HS6ST3: variants seen among roughly 807,000 people sequenced by gnomAD.
HS6ST3 encodes heparan-sulfate 6-O-sulfotransferase 3.
HS6ST3 carries 12 observed loss-of-function variants against 36.7 expected under a neutral mutation model. The observed-to-expected ratio is 0.33, with a 90% CI of 0.21 to 0.53. The LOEUF (loss-of-function observed/expected upper bound fraction) is 0.53, where lower values mean the gene tolerates loss of function less well. Among genes scored for constraint, HS6ST3 ranks in the 20% least tolerant of loss-of-function variants. The pLI, the probability that HS6ST3 is intolerant of heterozygous loss-of-function variation, is 0.95. For synonymous variants in HS6ST3, 240 were observed against 257.5 expected, an observed-to-expected ratio of 0.93 and a Z score of 0.65; for missense variants, 584 against 640.9, an observed-to-expected ratio of 0.91 and a Z score of 0.96.
chr13:96,324,871 C>G (rs530998248), intron 1 of HS6ST3, among the ~76,000 whole-genome samples: 21 of 152,324 alleles, frequency 1.4e-4, no homozygotes, highest in Admixed American at 9.2e-4. Flanking sequence ...GACTTCTGGT[C>G]TCCAGAACTG....
chr13:96,418,670 T>C (rs925470486), intron 1 of HS6ST3, among the ~76,000 whole-genome samples: 2 of 152,218 alleles, frequency 1.3e-5, no homozygotes, highest in Non-Finnish European at 2.9e-5. Context: ...ACTGGCCATG[T>C]CCCAGGTGCT....
At chr13:96,115,370 A>G (rs1362903269) in intron 1 of HS6ST3, among the ~76,000 whole-genome samples, 2 of 152,032 alleles carry the variant, frequency 1.3e-5, no homozygotes, top group East Asian at 1.9e-4. Context: ...TGCTGCACCT[A>G]TTGACCCATT....
chr13:96,523,968 G>T (rs2056103899), intron 1 of HS6ST3, among the ~76,000 whole-genome samples: 1 of 152,188 alleles, frequency 6.6e-6, no homozygotes. Context: ...CAGCCTTTCT[G>T]CTCTGGTTTC....
chr13:96,534,109 A>G (rs1194265734), intron 1 of HS6ST3, among the ~76,000 whole-genome samples: 1 of 152,126 alleles, frequency 6.6e-6, no homozygotes, highest in East Asian at 1.9e-4. Flanking sequence ...AAGACCACAG[A>G]CACAGTTTTG....
intron 1 of HS6ST3, among the ~76,000 whole-genome samples, chr13:96,620,710 A>G (rs1352758675): frequency 1.3e-5 from 2 of 152,248 alleles, no homozygotes; most frequent in African/African-American, 4.8e-5. Flanking sequence ...GCAATCAGAG[A>G]AGATATTGAA....
chr13:96,572,447 C>T (rs1191501306), intron 1 of HS6ST3, among the ~76,000 whole-genome samples: 1 of 152,044 alleles, frequency 6.6e-6, no homozygotes, highest in African/African-American at 2.4e-5. Context: ...CTTTCCAATG[C>T]CATTTGCATA....
intron 1 of HS6ST3, among the ~76,000 whole-genome samples, chr13:96,202,616 C>A (rs149045651): frequency 6.6e-6 from 1 of 152,144 alleles, no homozygotes; most frequent in East Asian, 1.9e-4. Flanking sequence ...CAGAGTTGCC[C>A]GAGAAGGCAG....
At chr13:96,703,594 C>G (rs1875344172) in intron 1 of HS6ST3, among the ~76,000 whole-genome samples, 1 of 152,184 alleles carries the variant, frequency 6.6e-6, no homozygotes. Flanking sequence ...CTACTTACTA[C>G]AATTGCTCCA....
intron 1 of HS6ST3, among the ~76,000 whole-genome samples, chr13:96,750,934 A>G (rs1030869961): frequency 3.3e-5 from 5 of 152,212 alleles, no homozygotes; most frequent in East Asian, 1.9e-4. Flanking sequence ...TTCATACACT[A>G]TAGAGAATAT....
chr13:96,247,649 A>G (rs1292210971), intron 1 of HS6ST3, among the ~76,000 whole-genome samples: 2 of 152,074 alleles, frequency 1.3e-5, no homozygotes, highest in Admixed American at 6.6e-5. Flanking sequence ...GTAGGGTGAA[A>G]ATGAACCAAT....
chr13:96,699,028 G>T (rs1386777227), intron 1 of HS6ST3, among the ~76,000 whole-genome samples: 2 of 152,138 alleles, frequency 1.3e-5, no homozygotes, highest in African/African-American at 4.8e-5. Flanking sequence ...AAATGCTGCT[G>T]GGAAAACTGG....
At chr13:96,416,037 TAAAG>T (rs1285788398) in intron 1 of HS6ST3, among the ~76,000 whole-genome samples, 2 of 152,198 alleles carry the variant, frequency 1.3e-5, no homozygotes, top group Non-Finnish European at 2.9e-5. Context: ...CAAAAACAGA[TAAAG>T]AAAAGCCACA....
At chr13:96,238,352 T>C (rs1366805779) in intron 1 of HS6ST3, among the ~76,000 whole-genome samples, 2 of 152,194 alleles carry the variant, frequency 1.3e-5, no homozygotes, top group African/African-American at 4.8e-5. Flanking sequence ...GTCTTGCCAC[T>C]TTTCATCCAT....
Position 96,403,393 on chromosome 13 carries a change from G to A in HS6ST3, c.707+311824G>A, listed in dbSNP as rs373861262. Among the ~76,000 whole-genome samples, 8 of 152,170 alleles carry A rather than the reference G, an allele frequency of 5.3e-5. No individual in the cohort carries two copies. In the South Asian group the frequency reaches 1.4e-3, roughly 28 times the overall value. ...CTCAAATAGACTCAGTAAAGTGCCAGTACCTTGGTTTCAGAGTTTTACACC... is the reference window on the plus strand; with the variant it reads ...CTCAAATAGACTCAGTAAAGTGCCAATACCTTGGTTTCAGAGTTTTACACC... On this transcript the variant is annotated intron_variant, in intron 1 of 1. Coordinates refer to ENST00000376705, the MANE Select transcript of HS6ST3 (RefSeq NM_153456.4).
intron 1 of HS6ST3, among the ~76,000 whole-genome samples, chr13:96,433,303 C>T (rs1249037985): frequency 6.6e-6 from 1 of 152,006 alleles, no homozygotes; most frequent in Non-Finnish European, 1.5e-5. Context: ...GACAGGTATC[C>T]CTATAAGAAG....
In HS6ST3 at chr13:96,810,973, A is replaced by G. The variant is rs565815894; in HGVS notation, c.708-21517A>G. 7.6e-4 allele frequency among the ~76,000 whole-genome samples: 115 copies of G among 152,296 alleles called. 2 individuals carry two copies. The highest frequency in any genetic ancestry group is 2.6e-3 in the African/African-American group (110 of 41,560). On this transcript the variant is annotated intron_variant, in intron 1 of 1. Transcript: ENST00000376705. ...GAACAATATTCCAAATACTAACAAT[A>G]GAGACCATCCAAAAACAAATTCTCT...
intron 1 of HS6ST3, among the ~76,000 whole-genome samples, chr13:96,725,928 C>G (rs1875992610): frequency 6.6e-6 from 1 of 152,048 alleles, no homozygotes; most frequent in Non-Finnish European, 1.5e-5. Flanking sequence ...CCTGCACCTC[C>G]CAGGGTTCAA....
intron 1 of HS6ST3, among the ~76,000 whole-genome samples, chr13:96,506,651 A>G (rs1236358171): frequency 6.6e-6 from 1 of 152,150 alleles, no homozygotes; most frequent in Admixed American, 6.6e-5. Context: ...TGCTCCTGTG[A>G]AACTGATTAC....
Position 96,834,628 on chromosome 13 carries a change from C to T in HS6ST3, c.*1430C>T, listed in dbSNP as rs538332914. 5 of 152,742 alleles carry T rather than the reference C, an allele frequency of 3.3e-5. No individual in the cohort carries two copies. In the East Asian group the frequency reaches 9.7e-4, roughly 29 times the overall value. 9.5% of individuals were successfully genotyped at this position (152,742 alleles called of 1,614,324 possible). On this transcript the variant is annotated 3_prime_UTR_variant, in exon 2 of 2. Transcript: ENST00000376705. ...TCAGAGTGAGTGGGAAGTTTCACAA[C>T]GGATTGATCTGATCAATCCCTTCAA...
Sources: gnomAD v4.1 joint callset for allele counts (sites outside exome capture counted in the v4.1 genomes callset) on GRCh38, gnomAD v4.1.1 for gene constraint, MANE v1.5 for transcripts, NCBI Gene and HGNC (gene_info 2026-07-23, HGNC 2026-07-21) for gene names.